The following ASXL2 variants were observed in gnomAD, a reference collection of about 807,000 sequenced individuals.
ASXL2 encodes the protein putative Polycomb group protein ASXL2.
In ASXL2, 23 loss-of-function variants were observed where a neutral mutation model predicts 122.0. That is an observed-to-expected ratio of 0.19 (90% CI 0.14 to 0.27). The LOEUF is 0.27. ASXL2 is among the 10% of genes least tolerant of loss of function. The pLI is 1.00. For synonymous variants in ASXL2, 650 were observed against 637.0 expected, an observed-to-expected ratio of 1.02 and a Z score of -0.31; for missense variants, 1,518 against 1,713.8, an observed-to-expected ratio of 0.89 and a Z score of 2.02.
intron 1 of ASXL2, among the ~76,000 whole-genome samples, chr2:25,875,659 A>T (rs543621758): frequency 6.6e-6 from 1 of 152,270 alleles, no homozygotes; most frequent in African/African-American, 2.4e-5. Flanking sequence ...TGGTCAGGAA[A>T]ACAACCTTAT....
chr2:25,759,340 T>C (rs2088197602), intron 9 of ASXL2, 142 bp downstream of exon 9: 1 of 783,646 alleles, frequency 1.3e-6, no homozygotes, highest in Non-Finnish European at 1.9e-6. Context: ...AGGAGAATTT[T>C]TTTTTCCTAA....
At chr2:25,786,575 G>A (rs866294251) in intron 5 of ASXL2, among the ~76,000 whole-genome samples, 3 of 151,992 alleles carry the variant, frequency 2.0e-5, no homozygotes, top group African/African-American at 7.2e-5. Context: ...TTAAAAGGCT[G>A]GGTATTGGTG....
At chr2:25,748,961 C>CCCT (rs1243894452) in intron 12 of ASXL2, among the ~76,000 whole-genome samples, 1 of 152,166 alleles carries the variant, frequency 6.6e-6, no homozygotes, top group Non-Finnish European at 1.5e-5. Flanking sequence ...CCTCAAGTAA[C>CCCT]CAGTAGTGAC....
chr2:25,747,847 C>T (rs909905171), intron 12 of ASXL2, among the ~76,000 whole-genome samples: 31 of 152,220 alleles, frequency 2.0e-4, no homozygotes, highest in African/African-American at 7.5e-4. Context: ...CCCATAGATT[C>T]GTAAGTGCTA....
rs547558858 is a variant in ASXL2, at chr2:25,767,741, T to A, written c.632-15A>T. On this transcript the variant is annotated splice_polypyrimidine_tract_variant and intron_variant, in intron 7 of 12. Transcript: ENST00000435504. ...TTCCCATGTTGCTAGGAGAAAAAAA[T>A]ACGTATAAAGACTGGTAGCACTGAG... is the stretch of plus-strand genomic sequence containing the variant. 184 of 1,613,458 alleles carry A rather than the reference T, an allele frequency of 1.1e-4. No homozygotes were observed. The Middle Eastern group carries it at 1.5e-3, about 13-fold the overall frequency.
chr2:25,767,229 T>C (rs1368602529), intron 8 of ASXL2, among the ~76,000 whole-genome samples: 1 of 152,178 alleles, frequency 6.6e-6, no homozygotes, highest in Admixed American at 6.6e-5. Flanking sequence ...ACATGAATAA[T>C]GCTGGACAAA....
chr2:25,785,673 A>C (rs1045569292), intron 5 of ASXL2, among the ~76,000 whole-genome samples: 3 of 151,670 alleles, frequency 2.0e-5, no homozygotes, highest in Admixed American at 6.6e-5. Context: ...CAGCCTCCCA[A>C]GTAGCTGGGA....
chr2:25,770,898 T>C (rs1317444696), intron 6 of ASXL2, among the ~76,000 whole-genome samples: 1 of 151,900 alleles, frequency 6.6e-6, no homozygotes, highest in East Asian at 2.0e-4. Flanking sequence ...CAAAAGATTC[T>C]GAGCAAACTA....
intron 5 of ASXL2, among the ~76,000 whole-genome samples, chr2:25,783,902 A>C (rs1217060711): frequency 6.6e-6 from 1 of 152,008 alleles, no homozygotes; most frequent in Non-Finnish European, 1.5e-5. Context: ...ACAAATACAA[A>C]AATTAGTCGG....
intron 2 of ASXL2, among the ~76,000 whole-genome samples, chr2:25,840,160 T>C (rs891111440): frequency 2.0e-5 from 3 of 152,164 alleles, no homozygotes; most frequent in East Asian, 1.9e-4. Context: ...CTATGCTTTA[T>C]AGTTATAAAC....
chr2:25,875,675 T>A (rs1382513124), intron 1 of ASXL2, among the ~76,000 whole-genome samples: 1 of 152,152 alleles, frequency 6.6e-6, no homozygotes, highest in Non-Finnish European at 1.5e-5. Flanking sequence ...CTTATTTTAA[T>A]AGTACTCTCT....
chr2:25,765,787 A>G (rs2088338298), intron 8 of ASXL2, among the ~76,000 whole-genome samples: 1 of 152,188 alleles, frequency 6.6e-6, no homozygotes, highest in African/African-American at 2.4e-5. Flanking sequence ...TCCATGAGGA[A>G]GAAATATTGC....
In ASXL2 at chr2:25,743,577, C is replaced by G; in HGVS notation, c.2760G>C (p.Leu920Phe). Reference sequence around the variant, plus strand: ...GGGTTTTAAGGCTAGAAGCTGCTGGCAAAGTGCTCGAGGGTGGAGCTGATC... The same window carrying G: ...GGGTTTTAAGGCTAGAAGCTGCTGGGAAAGTGCTCGAGGGTGGAGCTGATC... The part of the protein sequence containing the change: ...PAGSAPPSST[L>F]PAASSLKTPG... The change falls in exon 13 of 13, where the codon TTG becomes TTC. Residue 920 changes from leucine to phenylalanine, a missense_variant. By Grantham distance (22) the Leu-to-Phe change is conservative. This residue lies in a region of ASXL2 where 831 missense variants were observed against 833.1 expected (regional missense o/e 1.00). Coordinates refer to ENST00000435504, the MANE Select transcript of ASXL2 (RefSeq NM_018263.6). The G allele has an allele frequency of 6.2e-7, 1 of 1,613,982 alleles. No homozygotes were observed. The highest frequency in any genetic ancestry group is 1.1e-5 in the South Asian group (1 of 91,082).
rs2088397617 is a variant in ASXL2 at position 25,768,821 on chromosome 2, T to A, written c.552A>T (p.Pro184=). 1 of 1,613,846 alleles carries A rather than the reference T, an allele frequency of 6.2e-7. No homozygotes were observed. The highest frequency in any genetic ancestry group is 1.3e-5 in the African/African-American group (1 of 75,060). ...QQKKQQQQCR[P]SISISSNQHL... Reference sequence around the variant, plus strand: ...GCTGGTTGGAGGAGATGGATATGCTTGGCCTGCATTGCTGCTGCTGCTTCT... The same window carrying A: ...GCTGGTTGGAGGAGATGGATATGCTAGGCCTGCATTGCTGCTGCTGCTTCT... Residue 184 remains proline (P), a synonymous_variant, in exon 7 of 13, where the codon CCA becomes CCT. Coordinates refer to ENST00000435504, the MANE Select transcript of ASXL2 (RefSeq NM_018263.6).
intron 5 of ASXL2, among the ~76,000 whole-genome samples, chr2:25,781,071 A>G (rs2088627654): frequency 6.6e-6 from 1 of 151,976 alleles, no homozygotes; most frequent in Non-Finnish European, 1.5e-5. Context: ...AAAAAAAAAA[A>G]AAAAAGAAAA....
At chr2:25,793,342 GCTCA>G (rs577985578) in intron 5 of ASXL2, among the ~76,000 whole-genome samples, 42 of 152,126 alleles carry the variant, frequency 2.8e-4, no homozygotes, top group Non-Finnish European at 5.3e-4. Context: ...TTTACATACT[GCTCA>G]CTGAGTTTAA....
rs2089639711 is a variant in ASXL2, at chr2:25,845,572, C to G, written c.58-9G>C. ...GGGTATTTTTCTAAGACCTGAAAAA[C>G]AAGTATATAATAATAAATTATTTCT... On this transcript the variant is annotated splice_polypyrimidine_tract_variant and intron_variant, in intron 1 of 12. Coordinates refer to ENST00000435504, the MANE Select transcript of ASXL2 (RefSeq NM_018263.6). The G allele has an allele frequency of 8.5e-7, 1 of 1,178,378 alleles. No homozygotes were observed. Among genetic ancestry groups the G allele is most frequent in the Admixed American group, 3.1e-5 (1 of 32,192 alleles). The allele number at this position is 1,178,378 out of a possible 1,614,324, so 73.0% of individuals were successfully genotyped here. A position where few individuals can be genotyped will look rare whatever the true frequency, so the allele number is the denominator to read the frequency against.
intron 1 of ASXL2, among the ~76,000 whole-genome samples, chr2:25,867,345 C>T (rs1259392521): frequency 1.3e-5 from 2 of 152,074 alleles, no homozygotes; most frequent in African/African-American, 4.8e-5. Context: ...CAGAGGCTCA[C>T]ACTTGTAATC....
intron 1 of ASXL2, among the ~76,000 whole-genome samples, chr2:25,850,565 C>A (rs997466430): frequency 5.9e-5 from 9 of 152,218 alleles, no homozygotes; most frequent in African/African-American, 2.2e-4. Flanking sequence ...TACTTCCTAC[C>A]ACACCACATC....
Sources: allele counts gnomAD v4.1 joint callset (sites outside exome capture counted in the v4.1 genomes callset), GRCh38; gene constraint gnomAD v4.1.1; regional missense constraint gnomAD v4.1.1; transcripts MANE v1.5; gene names NCBI Gene and HGNC (gene_info 2026-07-23, HGNC 2026-07-21).